The following RERE variants were observed in gnomAD, a reference collection of about 807,000 sequenced individuals.
RERE encodes arginine-glutamic acid dipeptide repeats protein.
In RERE, 40 loss-of-function variants were observed where a neutral mutation model predicts 146.1. That is an observed-to-expected ratio of 0.27 (90% CI 0.21 to 0.36). RERE has a LOEUF of 0.36. Among genes scored for constraint, RERE ranks in the 10% least tolerant of loss-of-function variants. The pLI is 1.00. For missense variants in RERE, 1,933 were observed against 2,138.7 expected (o/e 0.90, Z 1.90); for synonymous variants, 1,003 against 866.0 (o/e 1.16, Z -2.78).
Position 8,556,491 on chromosome 1 carries a change from G to C in RERE, c.709C>G (p.His237Asp). 6.2e-7 allele frequency: 1 copy of C among 1,602,620 alleles called. No individual in the cohort carries two copies. Among genetic ancestry groups the C allele is most frequent in the Non-Finnish European group, 8.5e-7 (1 of 1,169,724 alleles). Residue 237 changes from histidine to aspartate, a missense_variant, in exon 6 of 23, where the codon CAT (histidine) becomes GAT (aspartate). Transcript: ENST00000400908. ...AGTACTTACCTAAGGGCAGCAGCAT[G>C]GTAAGTGTCAACGTAATCAGAAATG... Reference protein sequence around the residue: ...LFISDYVDTYHAAALRGKCNI... With the variant: ...LFISDYVDTYDAAALRGKCNI...
chr1:8,753,353 A>T (rs959157364), intron 1 of RERE: 1 of 152,202 alleles, frequency 6.6e-6, no homozygotes, highest in African/African-American at 2.4e-5. Context: ...TCTTTTCTCA[A>T]GCATTTTAAG....
At chr1:8,504,503 T>C (rs1645223036) in intron 8 of RERE, among the ~76,000 whole-genome samples, 1 of 152,214 alleles carries the variant, frequency 6.6e-6, no homozygotes, top group African/African-American at 2.4e-5. Flanking sequence ...AATAAATGGA[T>C]GGCAGAATTA....
Position 8,361,331 on chromosome 1 carries a change from C to G in RERE, c.2176G>C (p.Asp726His). ...PSPQDNESDS[D>H]SSAQQQMLQA... is the part of the protein sequence containing the mutation. ...AGCATCTGCTGCTGGGCTGACGAGT[C>G]CGAGTCACTCTCATTGTCCTGGGGG... The change falls in exon 18 of 23, where the codon GAC (aspartate) becomes CAC (histidine). Residue 726 changes from aspartate to histidine, a missense_variant. Transcript: ENST00000400908. 1 of 1,613,060 alleles carries G rather than the reference C, an allele frequency of 6.2e-7. No homozygotes were observed.
At chr1:8,543,145 G>T (rs1318488391) in intron 6 of RERE, among the ~76,000 whole-genome samples, 1 of 152,126 alleles carries the variant, frequency 6.6e-6, no homozygotes, top group Non-Finnish European at 1.5e-5. Flanking sequence ...TTTGTAGATA[G>T]TAAGATCCAA....
chr1:8,726,707 A>G (rs1639975982), intron 1 of RERE, among the ~76,000 whole-genome samples: 1 of 152,184 alleles, frequency 6.6e-6, no homozygotes, highest in Non-Finnish European at 1.5e-5. Flanking sequence ...TGCCCTCTAG[A>G]GTCTCCTTCT....
Position 8,361,043 on chromosome 1 carries a change from G to A in RERE, c.2464C>T (p.Pro822Ser). The change falls in exon 18 of 23, where the codon CCA becomes TCA. Residue 822 changes from proline to serine, a missense_variant. This residue lies in a region of RERE where 1,255 missense variants were observed against 1,153.8 expected (regional missense o/e 1.09). Transcript: ENST00000400908. ...PSPHPPPHPS[P>S]HPPLQPLTGS... ...GTCAGAGGCTGCAGCGGGGGATGTG[G>A]CGAGGGATGCGGCGGGGGATGCGGT... 2 of 1,439,184 alleles carry A rather than the reference G, an allele frequency of 1.4e-6. No homozygotes were observed. The highest frequency in any genetic ancestry group is 9.1e-7 in the Non-Finnish European group (1 of 1,101,968). 89.2% of individuals were successfully genotyped at this position (1,439,184 alleles called of 1,614,324 possible).
At chr1:8,580,600 T>C (rs1467724792) in intron 4 of RERE, among the ~76,000 whole-genome samples, 2 of 152,232 alleles carry the variant, frequency 1.3e-5, no homozygotes, top group African/African-American at 2.4e-5. Flanking sequence ...AGATACACTA[T>C]TTAGTTTTTA....
At chr1:8,355,162 A>G in intron 22 of RERE, 42 bp from the exon 23 acceptor site, 1 of 1,607,956 alleles carries the variant, frequency 6.2e-7, no homozygotes, top group Non-Finnish European at 8.5e-7. Context: ...TCTCAGGCCT[A>G]GGCAGGCAGT....
At chr1:8,592,926 T>C (rs1263615638) in intron 4 of RERE, among the ~76,000 whole-genome samples, 1 of 152,158 alleles carries the variant, frequency 6.6e-6, no homozygotes, top group African/African-American at 2.4e-5. Context: ...TGTAATCTCT[T>C]CTATCATTCT....
At chr1:8,416,070 A>G (rs1643749512) in intron 12 of RERE, among the ~76,000 whole-genome samples, 1 of 152,270 alleles carries the variant, frequency 6.6e-6, no homozygotes, top group Admixed American at 6.5e-5. Context: ...ACACTGTGGT[A>G]TTAAACCTTT....
At chr1:8,608,035 T>C (rs1646743401) in intron 4 of RERE, among the ~76,000 whole-genome samples, 1 of 152,054 alleles carries the variant, frequency 6.6e-6, no homozygotes, top group Non-Finnish European at 1.5e-5. Flanking sequence ...CTAACGTTTT[T>C]GTTTTTGTTT....
chr1:8,467,408 T>C (rs1291846630), intron 10 of RERE, among the ~76,000 whole-genome samples: 2 of 152,234 alleles, frequency 1.3e-5, no homozygotes, highest in Admixed American at 6.5e-5. Context: ...CAAAGACCTA[T>C]GGAATCACAA....
chr1:8,668,773 A>G (rs933818350), intron 1 of RERE, among the ~76,000 whole-genome samples: 2 of 152,208 alleles, frequency 1.3e-5, no homozygotes, highest in Non-Finnish European at 2.9e-5. Flanking sequence ...ATAGGGACAG[A>G]GAGCAGATTA....
chr1:8,684,089 T>C (rs1385536773), intron 1 of RERE, among the ~76,000 whole-genome samples: 2 of 152,204 alleles, frequency 1.3e-5, no homozygotes. Flanking sequence ...GCCAGTTTTT[T>C]TGGTTTTTAC....
chr1:8,744,412 G>T (rs563857804), intron 1 of RERE, among the ~76,000 whole-genome samples: 47 of 152,284 alleles, frequency 3.1e-4, no homozygotes, highest in African/African-American at 1.1e-3. Flanking sequence ...TTTCACCTTT[G>T]TTTTTCCACA....
At position 8,356,053 on chromosome 1, in the gene RERE, C is replaced by G. The variant is rs1162685497; in HGVS notation, c.4486+47G>C. 6.9e-7 allele frequency: 1 copy of G among 1,458,038 alleles called. No homozygotes were observed. Among genetic ancestry groups the G allele is most frequent in the Non-Finnish European group, 9.0e-7 (1 of 1,107,106 alleles). 90.3% of individuals were successfully genotyped at this position (1,458,038 alleles called of 1,614,324 possible). On this transcript the variant is annotated intron_variant, in intron 21 of 22. Transcript: ENST00000400908. This position sits in a 1 kb window ranked among gnomAD's most constrained non-coding sequence, Gnocchi z 5.2. ...TGAAGACAGCAGACCAGACCCCAAC[C>G]CAACCCTCACACGGCCTCCCCGCCC... is the stretch of plus-strand genomic sequence containing the variant.
At chr1:8,456,420 T>C (rs1443408466) in intron 11 of RERE, among the ~76,000 whole-genome samples, 1 of 152,192 alleles carries the variant, frequency 6.6e-6, no homozygotes, top group Non-Finnish European at 1.5e-5. Flanking sequence ...TAAACTTATG[T>C]AGTAAATATT....
At chr1:8,653,842 C>T (rs1332335989) in intron 2 of RERE, among the ~76,000 whole-genome samples, 2 of 152,016 alleles carry the variant, frequency 1.3e-5, no homozygotes, top group African/African-American at 2.4e-5. Context: ...GCTGAGTCTA[C>T]ATCAAAGATA....
intron 1 of RERE, among the ~76,000 whole-genome samples, chr1:8,755,935 A>G (rs1640631870): frequency 6.6e-6 from 1 of 152,138 alleles, no homozygotes; most frequent in African/African-American, 2.4e-5. Context: ...TGAAATTTTA[A>G]AACCCCAAAT....
Sources: allele counts gnomAD v4.1 joint callset (sites outside exome capture counted in the v4.1 genomes callset), GRCh38; gene constraint gnomAD v4.1.1; regional missense constraint gnomAD v4.1.1; non-coding constraint Gnocchi (gnomAD v3.1); transcripts MANE v1.5; gene names NCBI Gene and HGNC (gene_info 2026-07-23, HGNC 2026-07-21).